The following CACNG5 variants were observed in gnomAD, a reference collection of about 807,000 sequenced individuals.
The protein encoded by CACNG5 is calcium voltage-gated channel auxiliary subunit gamma 5.
In CACNG5, 18 loss-of-function variants were observed where a neutral mutation model predicts 24.8. That is an observed-to-expected ratio of 0.73 (90% CI 0.50 to 1.08). CACNG5 has a LOEUF of 1.08. CACNG5 is among the 50% of genes least tolerant of loss of function. The pLI is 0.00. For missense variants in CACNG5, 349 were observed against 367.9 expected (o/e 0.95, Z 0.42); for synonymous variants, 157 against 149.1 (o/e 1.05, Z -0.39).
At position 66,890,235 on chromosome 17, in the gene CACNG5, G is replaced by C; in HGVS notation, c.*4995G>C. 6.6e-6 allele frequency among the ~76,000 whole-genome samples: 1 copy of C among 152,024 alleles called. No individual in the cohort carries two copies. The highest frequency in any genetic ancestry group is 2.1e-4 in the South Asian group (1 of 4,826). ...GAGTGTGGGTTCATCCATGGTAGCA[G>C]TGGCTGCTCCAGTGTGCCATAGAAG... On this transcript the variant is annotated 3_prime_UTR_variant, in exon 6 of 6. Coordinates refer to ENST00000533854, the MANE Select transcript of CACNG5 (RefSeq NM_145811.3).
At chr17:66,845,478 A>AC (rs975553086) in intron 1 of CACNG5, among the ~76,000 whole-genome samples, 15 of 151,854 alleles carry the variant, frequency 9.9e-5, no homozygotes, top group African/African-American at 3.6e-4. Flanking sequence ...AAAAAACAAA[A>AC]AACTATCCTA....
At chr17:66,853,069 C>T (rs1392152417) in intron 1 of CACNG5, among the ~76,000 whole-genome samples, 1 of 152,080 alleles carries the variant, frequency 6.6e-6, no homozygotes, top group Non-Finnish European at 1.5e-5. Context: ...TGAAGCAATC[C>T]TCTCACCCTG....
At position 66,891,835 on chromosome 17, in the gene CACNG5, A is replaced by T. The variant is rs1344693451; in HGVS notation, c.*6595A>T. Among the ~76,000 whole-genome samples, 1 of 152,172 alleles carries T rather than the reference A, an allele frequency of 6.6e-6. No homozygotes were observed. Among genetic ancestry groups the T allele is most frequent in the Non-Finnish European group, 1.5e-5 (1 of 68,020 alleles). ...CATGACTGGCTTTGACTAGTAAGTTATTCTCCCAGCCTGGAGATTCTGAAG... is the reference window on the plus strand; with the variant it reads ...CATGACTGGCTTTGACTAGTAAGTTTTTCTCCCAGCCTGGAGATTCTGAAG... On this transcript the variant is annotated 3_prime_UTR_variant, in exon 6 of 6. Transcript: ENST00000533854.
intron 5 of CACNG5, 112 bp downstream of exon 5, chr17:66,884,773 G>C (rs1020250189): frequency 1.2e-6 from 2 of 1,613,504 alleles, no homozygotes; most frequent in Non-Finnish European, 1.7e-6. Context: ...TTGGACCCCG[G>C]ACCACCCACT....
intron 1 of CACNG5, among the ~76,000 whole-genome samples, chr17:66,852,943 C>T (rs1598048571): frequency 6.8e-6 from 1 of 147,794 alleles, no homozygotes; most frequent in South Asian, 2.2e-4. Context: ...TTGTCTTTCT[C>T]TCTTCTCCTC....
chr17:66,850,779 AAT>A (rs1976702628), intron 1 of CACNG5, among the ~76,000 whole-genome samples: 2 of 152,136 alleles, frequency 1.3e-5, no homozygotes, highest in Non-Finnish European at 2.9e-5. Flanking sequence ...GGGGATGAAA[AAT>A]ATGTACTGAA....
At position 66,893,172 on chromosome 17, in the gene CACNG5, T is replaced by C. The variant is rs2143150878; in HGVS notation, c.*7932T>C. 6.6e-6 allele frequency among the ~76,000 whole-genome samples: 1 copy of C among 152,300 alleles called. No homozygotes were observed. Among genetic ancestry groups the C allele is most frequent in the African/African-American group, 2.4e-5 (1 of 41,562 alleles). On this transcript the variant is annotated 3_prime_UTR_variant, in exon 6 of 6. Transcript: ENST00000533854. Reference sequence around the variant, plus strand: ...GCACTGCTCTGCTCTGCAAGTCCTGTTTCAAGTGCACCCCCAAGAGCATGG... The same window carrying C: ...GCACTGCTCTGCTCTGCAAGTCCTGCTTCAAGTGCACCCCCAAGAGCATGG...
At chr17:66,883,886 C>A (rs1229575363) in intron 4 of CACNG5, among the ~76,000 whole-genome samples, 1 of 152,184 alleles carries the variant, frequency 6.6e-6, no homozygotes, top group Non-Finnish European at 1.5e-5. Flanking sequence ...GTAATCCCAG[C>A]ACTTTGGGAG....
At position 66,887,571 on chromosome 17, in the gene CACNG5, A is replaced by T. The variant is rs1303367067; in HGVS notation, c.*2331A>T. 6.6e-6 allele frequency among the ~76,000 whole-genome samples: 1 copy of T among 152,198 alleles called. No individual in the cohort carries two copies. Among genetic ancestry groups the T allele is most frequent in the Non-Finnish European group, 1.5e-5 (1 of 68,024 alleles). On this transcript the variant is annotated 3_prime_UTR_variant, in exon 6 of 6. Transcript: ENST00000533854. ...TTCCAAACTGGACAATCATTTAGGT[A>T]AGCGCTATTCCAATTTTTATCAATG...
At position 66,843,434 on chromosome 17, in the gene CACNG5, A is replaced by C. The variant is rs140476737; in HGVS notation, c.-104+8184A>C. Among the ~76,000 whole-genome samples, 194 of 152,286 alleles carry C rather than the reference A, an allele frequency of 1.3e-3. 2 individuals are homozygous for C. Among genetic ancestry groups the C allele is most frequent in the Non-Finnish European group, 2.2e-3 (152 of 68,020 alleles). ...TTTTTATTTTCTGGTTATTGAAGTA[A>C]TTTCTGTTTCTGGCAGAATGTTTGG... On this transcript the variant is annotated intron_variant, in intron 1 of 5. Coordinates refer to ENST00000533854, the MANE Select transcript of CACNG5 (RefSeq NM_145811.3).
chr17:66,860,988 A>G (rs998821234), intron 1 of CACNG5, among the ~76,000 whole-genome samples: 2 of 151,972 alleles, frequency 1.3e-5, no homozygotes, highest in Non-Finnish European at 2.9e-5. Context: ...GTAATCATAT[A>G]TAATACATAA....
chr17:66,861,125 G>A (rs1372981367), intron 1 of CACNG5, among the ~76,000 whole-genome samples: 3 of 152,030 alleles, frequency 2.0e-5, no homozygotes, highest in Non-Finnish European at 4.4e-5. Flanking sequence ...TGAATTGTTG[G>A]GCTTATCACA....
rs1432405158 is a variant in CACNG5, at chr17:66,885,216, T to A, written c.804T>A (p.Asp268Glu). Reference protein sequence around the residue: ...YPALLKCPDYDQMSSSPC With the variant: ...YPALLKCPDYEQMSSSPC Reference sequence around the variant, plus strand: ...CCTTGCTCAAGTGCCCCGACTATGATCAGATGTCCTCTTCACCCTGCTGAG... The same window carrying A: ...CCTTGCTCAAGTGCCCCGACTATGAACAGATGTCCTCTTCACCCTGCTGAG... The change falls in exon 6 of 6, where the codon GAT becomes GAA. Residue 268 changes from aspartate (D) to glutamate (E), a missense_variant. By Grantham distance (45) the Asp-to-Glu change is conservative. Coordinates refer to ENST00000533854, the MANE Select transcript of CACNG5 (RefSeq NM_145811.3). The A allele has an allele frequency of 1.3e-6, 2 of 1,596,656 alleles. No homozygotes were observed. Among genetic ancestry groups the A allele is most frequent in the Non-Finnish European group, 1.7e-6 (2 of 1,175,950 alleles).
In CACNG5 at chr17:66,885,157, G is replaced by T; in HGVS notation, c.745G>T (p.Glu249Ter). ...RGRSPSDISS[E>*]ASLQMNSNYP... is the part of the protein sequence containing the mutation. ...CCGCAGCCCCTCCGACATCTCCAGC[G>T]AGGCCTCCCTGCAGATGAACAGCAA... The change falls in exon 6 of 6, where the codon GAG becomes TAG. Residue 249 changes from glutamate to a stop codon, truncating the protein, a stop_gained. Transcript: ENST00000533854. LOFTEE classifies it high-confidence loss of function. The T allele has an allele frequency of 6.2e-7, 1 of 1,613,290 alleles. No individual in the cohort carries two copies. The highest frequency in any genetic ancestry group is 8.5e-7 in the Non-Finnish European group (1 of 1,179,972).
intron 1 of CACNG5, among the ~76,000 whole-genome samples, chr17:66,835,506 A>T (rs1976471969): frequency 6.6e-6 from 1 of 152,150 alleles, no homozygotes; most frequent in Non-Finnish European, 1.5e-5. Flanking sequence ...GGGGGAGATG[A>T]TGACGCCCCC....
intron 3 of CACNG5, 142 bp from the exon 4 acceptor site, chr17:66,880,414 TG>T: frequency 1.1e-6 from 1 of 904,478 alleles, no homozygotes; most frequent in Non-Finnish European, 1.7e-6. Context: ...GGCCACCTGA[TG>T]GGGGTAGAGT....
chr17:66,856,407 C>T (rs1182949527), intron 1 of CACNG5, among the ~76,000 whole-genome samples: 1 of 152,154 alleles, frequency 6.6e-6, no homozygotes, highest in African/African-American at 2.4e-5. Flanking sequence ...TAGTTTTTTA[C>T]CCAGTTTCAC....
intron 1 of CACNG5, among the ~76,000 whole-genome samples, chr17:66,839,416 A>T (rs1976533453): frequency 6.6e-6 from 1 of 152,114 alleles, no homozygotes; most frequent in African/African-American, 2.4e-5. Flanking sequence ...CACAGAGCGA[A>T]ATGAACAATA....
chr17:66,861,756 T>C (rs1033367870), intron 1 of CACNG5, among the ~76,000 whole-genome samples: 1 of 152,234 alleles, frequency 6.6e-6, no homozygotes, highest in Non-Finnish European at 1.5e-5. Context: ...ATGGGGGCAG[T>C]GAGCATTTGG....
Sources: allele counts gnomAD v4.1 joint callset (sites outside exome capture counted in the v4.1 genomes callset), GRCh38; gene constraint gnomAD v4.1.1; transcripts MANE v1.5; gene names NCBI Gene and HGNC (gene_info 2026-07-23, HGNC 2026-07-21).